SEMA5A: variants seen among roughly 807,000 people sequenced by gnomAD.
SEMA5A encodes semaphorin 5A, also known as semaphorin-5A.
A neutral mutation model predicts 135.5 loss-of-function variants in SEMA5A; 55 were observed. The ratio of observed to expected loss-of-function variants is 0.41; its 90% CI spans 0.33 to 0.51. SEMA5A has a LOEUF of 0.51. SEMA5A is among the 20% of genes least tolerant of loss of function. SEMA5A has a pLI of 0.37. For synonymous variants in SEMA5A, 580 were observed against 546.5 expected (o/e 1.06, Z -0.85); for missense variants, 1,290 against 1,419.9 (o/e 0.91, Z 1.47).
chr5:9,178,125 A>T (rs1164941840), intron 11 of SEMA5A, among the ~76,000 whole-genome samples: 2 of 152,182 alleles, frequency 1.3e-5, no homozygotes, highest in African/African-American at 4.8e-5. Flanking sequence ...AATAATTTTT[A>T]AAAAACTACC....
At chr5:9,122,039 T>C (rs1265816824) in intron 14 of SEMA5A, among the ~76,000 whole-genome samples, 2 of 152,346 alleles carry the variant, frequency 1.3e-5, no homozygotes, top group Non-Finnish European at 2.9e-5. Flanking sequence ...GTGTTCCTGA[T>C]ACTTGCTTTA....
chr5:9,353,009 A>C (rs922059078), intron 3 of SEMA5A, among the ~76,000 whole-genome samples: 2 of 150,810 alleles, frequency 1.3e-5, no homozygotes, highest in Non-Finnish European at 2.9e-5. Flanking sequence ...TGCTAAGCAT[A>C]GTGTTTTAGA....
chr5:9,195,009 A>G (rs1430010613), intron 10 of SEMA5A, among the ~76,000 whole-genome samples: 1 of 152,196 alleles, frequency 6.6e-6, no homozygotes, highest in Non-Finnish European at 1.5e-5. Context: ...TAAAAACATC[A>G]CTGTATGGAA....
At chr5:9,065,964 A>C (rs924693895) in intron 17 of SEMA5A, among the ~76,000 whole-genome samples, 2 of 152,262 alleles carry the variant, frequency 1.3e-5, no homozygotes, top group East Asian at 3.8e-4. Flanking sequence ...TAGTATCCTT[A>C]CACAATGTGC....
At chr5:9,331,918 GA>G (rs1399393341) in intron 4 of SEMA5A, among the ~76,000 whole-genome samples, 1 of 152,212 alleles carries the variant, frequency 6.6e-6, no homozygotes, top group African/African-American at 2.4e-5. Flanking sequence ...AAAAGGATCA[GA>G]AATCCATACT....
intron 16 of SEMA5A, among the ~76,000 whole-genome samples, chr5:9,094,313 T>C (rs1347992006): frequency 9.8e-6 from 1 of 102,408 alleles, no homozygotes; most frequent in Non-Finnish European, 1.8e-5. Context: ...GCAAAATTAT[T>C]TCAAATGAAC....
chr5:9,063,034 T>A lies in SEMA5A; in HGVS notation c.2371A>T (p.Thr791Ser). Reference sequence around the variant, plus strand: ...TCACGGCTGCACTGTGACCACGACGTCCAGGCTGACCAAGCCCCGTTGACC... The same window carrying A: ...TCACGGCTGCACTGTGACCACGACGACCAGGCTGACCAAGCCCCGTTGACC... ...HTVNGAWSAW[T>S]SWSQCSRDCS... The change falls in exon 18 of 23, where the codon ACG (threonine) becomes TCG (serine). Residue 791 changes from threonine to serine, a missense_variant. By Grantham distance (58) the Thr-to-Ser change is moderately conservative. Around this residue, in one of 3 missense-constraint regions of SEMA5A, gnomAD observed 1,029 missense variants for 1,086.6 expected, o/e 0.95. Transcript: ENST00000382496. 6.2e-7 allele frequency: 1 copy of A among 1,614,190 alleles called. No individual in the cohort carries two copies. Among genetic ancestry groups the A allele is most frequent in the Non-Finnish European group, 8.5e-7 (1 of 1,180,036 alleles).
At chr5:9,074,038 C>A (rs1311009827) in intron 16 of SEMA5A, among the ~76,000 whole-genome samples, 1 of 151,940 alleles carries the variant, frequency 6.6e-6, no homozygotes, top group Non-Finnish European at 1.5e-5. Flanking sequence ...CTAGAATAGT[C>A]AAAATATTTT....
intron 11 of SEMA5A, among the ~76,000 whole-genome samples, chr5:9,176,889 G>A (rs996411060): frequency 1.3e-5 from 2 of 152,244 alleles, no homozygotes; most frequent in African/African-American, 4.8e-5. Flanking sequence ...AGAATGCACA[G>A]ATGGGTGACC....
intron 1 of SEMA5A, among the ~76,000 whole-genome samples, chr5:9,489,160 G>A (rs1734876667): frequency 2.0e-5 from 3 of 152,130 alleles, no homozygotes; most frequent in Admixed American, 2.0e-4. Flanking sequence ...GCATCCTTCA[G>A]CAGCTTTGGC....
chr5:9,210,707 C>T (rs1269850930), intron 8 of SEMA5A, among the ~76,000 whole-genome samples: 1 of 152,094 alleles, frequency 6.6e-6, no homozygotes, highest in Non-Finnish European at 1.5e-5. Flanking sequence ...TCAGGTATGG[C>T]CTGTGTCAGG....
intron 2 of SEMA5A, among the ~76,000 whole-genome samples, chr5:9,418,133 T>C (rs1212558348): frequency 1.3e-5 from 2 of 152,178 alleles, no homozygotes; most frequent in East Asian, 1.9e-4. Flanking sequence ...CCCGCTACCA[T>C]GCCCGGCTAA....
chr5:9,126,961 T>C (rs1579442405), intron 13 of SEMA5A, among the ~76,000 whole-genome samples: 1 of 152,196 alleles, frequency 6.6e-6, no homozygotes, highest in Non-Finnish European at 1.5e-5. Context: ...AGCAGGTCAT[T>C]GCTCATGCCT....
chr5:9,293,064 T>G (rs1202778607), intron 5 of SEMA5A, among the ~76,000 whole-genome samples: 4 of 152,320 alleles, frequency 2.6e-5, no homozygotes, highest in African/African-American at 9.6e-5. Flanking sequence ...GCTCTGAGCC[T>G]TGGTAGCACT....
intron 16 of SEMA5A, among the ~76,000 whole-genome samples, chr5:9,078,000 C>T (rs1738164319): frequency 6.6e-6 from 1 of 152,194 alleles, no homozygotes; most frequent in South Asian, 2.1e-4. Flanking sequence ...AGTGCTGTCA[C>T]TGGAAATCTT....
intron 3 of SEMA5A, among the ~76,000 whole-genome samples, chr5:9,346,729 C>T (rs1382036230): frequency 3.3e-5 from 5 of 152,298 alleles, no homozygotes; most frequent in East Asian, 3.9e-4. Flanking sequence ...ACTCCATTTC[C>T]GGCCTCGTTT....
intron 2 of SEMA5A, among the ~76,000 whole-genome samples, chr5:9,392,952 C>T (rs1475951745): frequency 6.6e-6 from 1 of 152,196 alleles, no homozygotes; most frequent in Non-Finnish European, 1.5e-5. Context: ...TCACAGTCAG[C>T]CTATTAGGTG....
chr5:9,418,926 T>C (rs957346077), intron 2 of SEMA5A, among the ~76,000 whole-genome samples: 4 of 152,232 alleles, frequency 2.6e-5, no homozygotes, highest in Non-Finnish European at 5.9e-5. Context: ...TGTTCTTTCC[T>C]AGTTCCTTTA....
chr5:9,383,725 C>T (rs937384249), intron 2 of SEMA5A, among the ~76,000 whole-genome samples: 3 of 152,164 alleles, frequency 2.0e-5, no homozygotes, highest in Non-Finnish European at 4.4e-5. Flanking sequence ...CTTCTGCTAC[C>T]GATGAAGGGC....
Sources: gnomAD v4.1 joint callset for allele counts (sites outside exome capture counted in the v4.1 genomes callset) on GRCh38, gnomAD v4.1.1 for gene constraint, gnomAD v4.1.1 regional missense constraint, MANE v1.5 for transcripts, NCBI Gene and HGNC (gene_info 2026-07-23, HGNC 2026-07-21) for gene names.